The following DUSP14 variants were observed in gnomAD, a reference collection of about 807,000 sequenced individuals.
DUSP14 encodes dual specificity phosphatase 14, also known as dual specificity protein phosphatase 14.
A neutral mutation model predicts 13.2 loss-of-function variants in DUSP14; 5 were observed. The ratio of observed to expected loss-of-function variants is 0.38; its 90% confidence interval spans 0.20 to 0.80. The LOEUF (loss-of-function observed/expected upper bound fraction) is 0.80, where lower values mean the gene tolerates loss of function less well. Ranked by LOEUF, DUSP14 falls within the 30% of genes least tolerant of loss-of-function variation. The probability of loss-of-function intolerance (pLI) is 0.44; values close to 1 mark genes in which losing one functional copy is unlikely to be tolerated. For missense variants in DUSP14, 185 were observed against 264.0 expected, an observed-to-expected ratio of 0.70 and a Z score of 2.07; for synonymous variants, 91 against 103.4, an observed-to-expected ratio of 0.88 and a Z score of 0.73.
chr17:37,509,953 A>G (rs1314714209), intron 1 of DUSP14: 1 of 151,960 alleles, frequency 6.6e-6, no homozygotes, highest in African/African-American at 2.4e-5. Flanking sequence ...AAGGTGGGGG[A>G]ACAGGTGGTA....
At chr17:37,497,172 A>G (rs1470307609) in intron 1 of DUSP14, among the ~76,000 whole-genome samples, 1 of 151,394 alleles carries the variant, frequency 6.6e-6, no homozygotes, top group African/African-American at 2.4e-5. Flanking sequence ...TTTTAAAGAC[A>G]GAGTCTCTTC....
chr17:37,508,108 TC>T (rs2054149818), intron 1 of DUSP14, among the ~76,000 whole-genome samples: 1 of 152,194 alleles, frequency 6.6e-6, no homozygotes, highest in Non-Finnish European at 1.5e-5. Context: ...GGATGTGGGC[TC>T]CCAAAGCGAG....
At chr17:37,511,736 C>T (rs889550973) in intron 2 of DUSP14, among the ~76,000 whole-genome samples, 6 of 150,322 alleles carry the variant, frequency 4.0e-5, no homozygotes, top group African/African-American at 1.2e-4. Context: ...TACAGGCATG[C>T]ACTACCACAC....
intron 1 of DUSP14, among the ~76,000 whole-genome samples, chr17:37,509,680 C>T (rs1268265774): frequency 6.6e-6 from 1 of 151,844 alleles, no homozygotes; most frequent in African/African-American, 2.4e-5. Flanking sequence ...GTCTAGAGTG[C>T]AAACCATAGT....
chr17:37,500,208 G>T (rs992283927), intron 1 of DUSP14, among the ~76,000 whole-genome samples: 2 of 152,252 alleles, frequency 1.3e-5, no homozygotes, highest in African/African-American at 2.4e-5. Context: ...TACATTATAA[G>T]TGAAGTTAAT....
At chr17:37,511,507 C>CG (rs2054184907) in intron 2 of DUSP14, among the ~76,000 whole-genome samples, 1 of 150,966 alleles carries the variant, frequency 6.6e-6, no homozygotes, top group Non-Finnish European at 1.5e-5. Flanking sequence ...TCTCGAACTC[C>CG]TGACCTCAGG....
Position 37,512,941 on chromosome 17 carries a change from T to TCTC in DUSP14, c.*73_*75dup. The TCTC allele has an allele frequency of 7.7e-7, 1 of 1,293,528 alleles. No individual in the cohort carries two copies. Among genetic ancestry groups the TCTC allele is most frequent in the Non-Finnish European group, 1.1e-6 (1 of 927,000 alleles). 80.1% of individuals were successfully genotyped at this position (1,293,528 alleles called of 1,614,324 possible). On this transcript the variant is annotated 3_prime_UTR_variant, in exon 3 of 3. Coordinates refer to ENST00000617516, the MANE Select transcript of DUSP14 (RefSeq NM_007026.4). This position sits in a 1 kb window ranked among gnomAD's most constrained non-coding sequence, Gnocchi z 4.8. ...TCCCCGCCGTCTGCTCCCTCTCCAC[T>TCTC]CTCTTCTCAAATGGCTGACTTCTGG...
At chr17:37,494,349 G>A (rs1828523842) in intron 1 of DUSP14, among the ~76,000 whole-genome samples, 1 of 152,184 alleles carries the variant, frequency 6.6e-6, no homozygotes, top group African/African-American at 2.4e-5. Flanking sequence ...GAAAGTAGAA[G>A]TAGCTTAGAG....
intron 1 of DUSP14, among the ~76,000 whole-genome samples, chr17:37,507,019 C>T (rs2054142573): frequency 6.6e-6 from 1 of 152,200 alleles, no homozygotes; most frequent in Non-Finnish European, 1.5e-5. Context: ...ATTTAGTCAC[C>T]GCAGAGAAGC....
intron 1 of DUSP14, among the ~76,000 whole-genome samples, chr17:37,505,726 A>G (rs1008006554): frequency 6.7e-6 from 1 of 149,954 alleles, no homozygotes; most frequent in African/African-American, 2.5e-5. Flanking sequence ...CCATGTAGCA[A>G]TTCTGAGTGT....
intron 1 of DUSP14, among the ~76,000 whole-genome samples, chr17:37,504,778 A>C (rs1469420538): frequency 6.6e-6 from 1 of 152,160 alleles, no homozygotes; most frequent in Non-Finnish European, 1.5e-5. Flanking sequence ...ACAGGGTCTC[A>C]TTACGTTGCC....
At chr17:37,511,309 C>G (rs969160523) in intron 2 of DUSP14, among the ~76,000 whole-genome samples, 2 of 152,112 alleles carry the variant, frequency 1.3e-5, no homozygotes, top group African/African-American at 4.8e-5. Context: ...TGTTTTGAGA[C>G]AGAGTCTGTC....
chr17:37,509,294 TATA>T (rs1203604905), intron 1 of DUSP14, among the ~76,000 whole-genome samples: 26 of 25,094 alleles, frequency 1.0e-3, no homozygotes, highest in African/African-American at 1.5e-3. Flanking sequence ...TATATATATA[TATA>T]GTGTGTGTGT....
chr17:37,492,343 G>A (rs1422648054), intron 1 of DUSP14, among the ~76,000 whole-genome samples: 4 of 152,148 alleles, frequency 2.6e-5, no homozygotes, highest in African/African-American at 9.7e-5. Context: ...CCAAGGCCTG[G>A]GTATAAACTT....
chr17:37,493,003 G>GTGTGTA (rs2054039121), intron 1 of DUSP14, among the ~76,000 whole-genome samples: 1 of 152,162 alleles, frequency 6.6e-6, no homozygotes, highest in Non-Finnish European at 1.5e-5. Context: ...GTGTGTGTGT[G>GTGTGTA]TGTGTATGTG....
rs762560470 is a variant in DUSP14, at chr17:37,512,663, A to C, written c.391A>C (p.Asn131His). 3 of 1,613,770 alleles carry C rather than the reference A, an allele frequency of 1.9e-6. No homozygotes were observed. The South Asian group carries it at 3.3e-5, about 18-fold the overall frequency. ...LCIAYLMKFHNVCLLEAYNWV... is the reference protein window; with the variant it reads ...LCIAYLMKFHHVCLLEAYNWV... ...TATCGCGTACCTGATGAAATTCCAC[A>C]ACGTGTGCCTGCTGGAGGCGTACAA... Residue 131 changes from asparagine (N) to histidine (H), a missense_variant, in exon 3 of 3, where the codon AAC (asparagine) becomes CAC (histidine). Asn to His is a moderately conservative substitution (Grantham distance 68, BLOSUM62 1). Transcript: ENST00000617516. This position sits in a 1 kb window ranked among gnomAD's most constrained non-coding sequence, Gnocchi z 4.8.
intron 1 of DUSP14, chr17:37,509,967 G>A (rs773106693): frequency 6.6e-6 from 1 of 152,072 alleles, no homozygotes; most frequent in Non-Finnish European, 1.5e-5. Context: ...GGTGGTAGAA[G>A]AACACATTTT....
chr17:37,489,587 C>G (rs565544515), upstream of DUSP14, among the ~76,000 whole-genome samples: 120 of 152,182 alleles, frequency 7.9e-4, no homozygotes, highest in African/African-American at 2.5e-3. Flanking sequence ...CCGGCTCATA[C>G]GCAGACGCTG....
chr17:37,497,746 A>G (rs974962760), intron 1 of DUSP14, among the ~76,000 whole-genome samples: 15 of 151,462 alleles, frequency 9.9e-5, no homozygotes, highest in South Asian at 2.1e-4. Context: ...CTTGCTCAAA[A>G]AAAAAAAAAA....
Sources: allele counts gnomAD v4.1 joint callset (sites outside exome capture counted in the v4.1 genomes callset), GRCh38; gene constraint gnomAD v4.1.1; non-coding constraint Gnocchi (gnomAD v3.1); transcripts MANE v1.5; gene names NCBI Gene and HGNC (gene_info 2026-07-23, HGNC 2026-07-21).